CLDN10: variants seen among roughly 807,000 people sequenced by gnomAD.
The protein encoded by CLDN10 is claudin-10.
A neutral mutation model predicts 22.9 loss-of-function variants in CLDN10; 15 were observed. The ratio of observed to expected loss-of-function variants is 0.65; its 90% CI spans 0.44 to 1.01. CLDN10 has a LOEUF of 1.01. Ranked by LOEUF, CLDN10 falls within the 50% of genes least tolerant of loss-of-function variation. The probability of loss-of-function intolerance (pLI) is 0.00; values close to 1 mark genes in which losing one functional copy is unlikely to be tolerated. For missense variants in CLDN10, 247 were observed against 287.8 expected, an observed-to-expected ratio of 0.86 and a Z score of 1.03; for synonymous variants, 114 against 111.4, an observed-to-expected ratio of 1.02 and a Z score of -0.15.
intron 1 of CLDN10, among the ~76,000 whole-genome samples, chr13:95,465,077 T>G (rs1417484046): frequency 6.6e-6 from 1 of 152,160 alleles, no homozygotes; most frequent in Non-Finnish European, 1.5e-5. Context: ...TTTAATGGAC[T>G]CACAGTTCTA....
intron 1 of CLDN10, among the ~76,000 whole-genome samples, chr13:95,499,581 G>T (rs1314215259): frequency 6.6e-6 from 1 of 152,138 alleles, no homozygotes; most frequent in Non-Finnish European, 1.5e-5. Context: ...TAAGTGATTT[G>T]GATCTGCATG....
At chr13:95,518,078 A>G (rs1397164841) in intron 1 of CLDN10, among the ~76,000 whole-genome samples, 4 of 152,212 alleles carry the variant, frequency 2.6e-5, no homozygotes, top group African/African-American at 9.6e-5. Flanking sequence ...GTGATTAAGA[A>G]GTCTGGGACA....
intron 3 of CLDN10, among the ~76,000 whole-genome samples, chr13:95,569,456 T>A (rs1234119808): frequency 1.3e-5 from 2 of 152,022 alleles, no homozygotes; most frequent in African/African-American, 4.8e-5. Context: ...TGGTGGCAGG[T>A]GCTTGTAGTC....
At chr13:95,485,168 G>A (rs79042949) in intron 1 of CLDN10, among the ~76,000 whole-genome samples, 9,455 of 152,120 alleles carry the variant, frequency 0.062, 400 homozygotes, top group Non-Finnish European at 0.086. Context: ...TGGGAGGCAG[G>A]CTTTGTAGTA....
At chr13:95,504,948 A>G (rs1186779223) in intron 1 of CLDN10, among the ~76,000 whole-genome samples, 2 of 152,250 alleles carry the variant, frequency 1.3e-5, no homozygotes, top group Non-Finnish European at 2.9e-5. Context: ...ACGTCAGATT[A>G]AAGGTGGTGA....
rs1392208873 is a variant in CLDN10, at chr13:95,574,053, T to C, written c.465-3178T>C. 3.9e-5 allele frequency among the ~76,000 whole-genome samples: 6 copies of C among 152,236 alleles called. No homozygotes were observed. The South Asian group carries it at 1.0e-3, about 26-fold the overall frequency. ...TATCCCTGCAAAGGACATAAATTCA[T>C]ACTTTTTTATGGCTGTATAGTATTC... On this transcript the variant is annotated intron_variant, in intron 3 of 4. Transcript: ENST00000299339.
At chr13:95,461,544 C>T (rs1253505267) in intron 1 of CLDN10, among the ~76,000 whole-genome samples, 1 of 152,188 alleles carries the variant, frequency 6.6e-6, no homozygotes, top group Non-Finnish European at 1.5e-5. Flanking sequence ...GGTCTTTCCC[C>T]TGTCCTATAC....
chr13:95,472,198 T>TA lies in CLDN10; in HGVS notation c.214+38152dup, dbSNP rs539348300. Among the ~76,000 whole-genome samples the TA allele has an allele frequency of 3.2e-4, 48 of 152,240 alleles. No individual in the cohort carries two copies. The South Asian group carries it at 9.3e-3, about 30-fold the overall frequency. On this transcript the variant is annotated intron_variant, in intron 1 of 4. Transcript: ENST00000376873. ...TTGCTGAGCACACTCTAGAAGCAGA[T>TA]ATGGTAGTACTAGGCCATGGGAGAA...
intron 1 of CLDN10, among the ~76,000 whole-genome samples, chr13:95,536,869 A>G (rs1349163007): frequency 6.6e-6 from 1 of 152,208 alleles, no homozygotes; most frequent in Non-Finnish European, 1.5e-5. Flanking sequence ...TTCTCATGAA[A>G]TATAGTGCGG....
rs566366671 is a variant in CLDN10, at chr13:95,555,175, C to T, written c.220+2202C>T. Among the ~76,000 whole-genome samples, 10 of 152,168 alleles carry T rather than the reference C, an allele frequency of 6.6e-5. No homozygotes were observed. The East Asian group carries it at 1.5e-3, about 24-fold the overall frequency. On this transcript the variant is annotated intron_variant, in intron 1 of 4. Coordinates refer to ENST00000299339, the MANE Select transcript of CLDN10 (RefSeq NM_006984.5). The stretch of plus-strand genomic sequence containing the variant: ...AAGTGATTCTCCTGTCTCAGCCTCC[C>T]AAGTAGCTGGGATTACAGGCATGTG...
At chr13:95,544,622 G>A (rs2043490238) in intron 1 of CLDN10, among the ~76,000 whole-genome samples, 1 of 152,104 alleles carries the variant, frequency 6.6e-6, no homozygotes, top group African/African-American at 2.4e-5. Flanking sequence ...ATTCCACTGT[G>A]ATTTCCTTTC....
chr13:95,496,772 C>A (rs924256217), intron 1 of CLDN10, among the ~76,000 whole-genome samples: 3 of 152,234 alleles, frequency 2.0e-5, no homozygotes, highest in African/African-American at 7.2e-5. Flanking sequence ...GAAGACTCCA[C>A]CTCAAATGCC....
At chr13:95,563,178 C>G (rs967166477) in intron 3 of CLDN10, among the ~76,000 whole-genome samples, 20 of 149,736 alleles carry the variant, frequency 1.3e-4, no homozygotes, top group African/African-American at 4.7e-4. Context: ...AATAGCATAC[C>G]TCTCACAGAA....
At chr13:95,457,809 G>A (rs2042497127) in intron 1 of CLDN10, among the ~76,000 whole-genome samples, 1 of 152,046 alleles carries the variant, frequency 6.6e-6, no homozygotes. Flanking sequence ...AAACTGCACT[G>A]GGCATATCTG....
chr13:95,520,002 A>G (rs1443105207), intron 1 of CLDN10, among the ~76,000 whole-genome samples: 1 of 136,298 alleles, frequency 7.3e-6, no homozygotes, highest in Non-Finnish European at 1.6e-5. Flanking sequence ...TTTCTTTACA[A>G]TGTTTGGGGA....
intron 3 of CLDN10, among the ~76,000 whole-genome samples, chr13:95,561,097 C>T (rs556039220): frequency 2.9e-4 from 44 of 152,168 alleles, no homozygotes; most frequent in African/African-American, 1.0e-3. Flanking sequence ...TTATAGTTTC[C>T]CTAGGCTTAT....
chr13:95,433,803 C>T (rs373210781), exon 1 of CLDN10: 8 of 1,610,352 alleles, frequency 5.0e-6, no homozygotes, highest in Admixed American at 1.7e-5. Context: ...GCGTTCTGAC[C>T]GGACAGTGTC....
At chr13:95,494,143 A>G (rs960570585) in intron 1 of CLDN10, among the ~76,000 whole-genome samples, 9 of 152,180 alleles carry the variant, frequency 5.9e-5, no homozygotes, top group Non-Finnish European at 1.0e-4. Flanking sequence ...TCAAATTTTG[A>G]ATTGCCTCAT....
intron 2 of CLDN10, 35 bp downstream of exon 2, chr13:95,560,328 A>G (rs113065528): frequency 6.2e-7 from 1 of 1,613,476 alleles, no homozygotes; most frequent in South Asian, 1.1e-5. Flanking sequence ...AAGGTACTTG[A>G]TGATGTTAAT....
Sources: gnomAD v4.1 joint callset for allele counts (sites outside exome capture counted in the v4.1 genomes callset) on GRCh38, gnomAD v4.1.1 for gene constraint, MANE v1.5 for transcripts, NCBI Gene and HGNC (gene_info 2026-07-23, HGNC 2026-07-21) for gene names.